The following LOC128125817 variants were observed in gnomAD, a reference collection of about 807,000 sequenced individuals.
At chr1:41,613,508 A>C in the LOC128125817 span, among the ~76,000 whole-genome samples, 1 of 152,238 alleles carries the variant, frequency 6.6e-6, no homozygotes, top group Non-Finnish European at 1.5e-5. Context: ...TGAATAAATA[A>C]ATAAATGAAT....
chr1:41,624,583 G>A, the LOC128125817 span, among the ~76,000 whole-genome samples: 365 of 152,208 alleles, frequency 2.4e-3, 1 homozygote, highest in African/African-American at 8.2e-3. Context: ...CTCTATATGC[G>A]TACACAAAAC....
the LOC128125817 span, among the ~76,000 whole-genome samples, chr1:41,607,686 G>A: frequency 6.6e-6 from 1 of 151,746 alleles, no homozygotes; most frequent in Non-Finnish European, 1.5e-5. Flanking sequence ...ATATATTTAT[G>A]AATGAGGGAT....
the LOC128125817 span, among the ~76,000 whole-genome samples, chr1:41,621,407 C>T: frequency 6.6e-6 from 1 of 152,250 alleles, no homozygotes; most frequent in African/African-American, 2.4e-5. Context: ...CCCTGCTTTC[C>T]AGCATTGGCC....
the LOC128125817 span, among the ~76,000 whole-genome samples, chr1:41,619,705 G>C: frequency 6.6e-6 from 1 of 152,182 alleles, no homozygotes; most frequent in African/African-American, 2.4e-5. Flanking sequence ...TCAGCAGAGG[G>C]AGAGCCAGGG....
chr1:41,615,511 C>G, the LOC128125817 span, among the ~76,000 whole-genome samples: 1 of 152,222 alleles, frequency 6.6e-6, no homozygotes, highest in East Asian at 1.9e-4. Flanking sequence ...GGGATTCGCG[C>G]AAGACCACAA....
chr1:41,619,811 C>A, the LOC128125817 span, among the ~76,000 whole-genome samples: 1 of 152,188 alleles, frequency 6.6e-6, no homozygotes, highest in Non-Finnish European at 1.5e-5. Context: ...CCCCCAACCC[C>A]AACCAGCCCC....
At chr1:41,586,930 G>T in the LOC128125817 span, among the ~76,000 whole-genome samples, 1 of 151,962 alleles carries the variant, frequency 6.6e-6, no homozygotes, top group Non-Finnish European at 1.5e-5. Flanking sequence ...CAAAGAAAAT[G>T]GAAATAAGGC....
chr1:41,590,743 A>G, the LOC128125817 span, among the ~76,000 whole-genome samples: 1 of 152,336 alleles, frequency 6.6e-6, no homozygotes, highest in South Asian at 2.1e-4. Context: ...AAGTGGGGAC[A>G]CAGGGAGAGG....
chr1:41,609,686 C>T, the LOC128125817 span, among the ~76,000 whole-genome samples: 1 of 152,254 alleles, frequency 6.6e-6, no homozygotes, highest in South Asian at 2.1e-4. Context: ...CTCTCTCATT[C>T]CCTCCATCTG....
the LOC128125817 span, among the ~76,000 whole-genome samples, chr1:41,613,340 C>G: frequency 6.6e-6 from 1 of 152,192 alleles, no homozygotes; most frequent in South Asian, 2.1e-4. Flanking sequence ...ACGCGTGGGG[C>G]GGGTCTCGTG....
the LOC128125817 span, among the ~76,000 whole-genome samples, chr1:41,608,917 C>CAAAAAAAAAAA: frequency 8.1e-6 from 1 of 123,546 alleles, no homozygotes. Context: ...CTAAAAATAC[C>CAAAAAAAAAAA]AAAAAAAAAA....
chr1:41,587,816 C>G, the LOC128125817 span, among the ~76,000 whole-genome samples: 2 of 152,162 alleles, frequency 1.3e-5, no homozygotes, highest in African/African-American at 4.8e-5. Context: ...CTGTCTCCCA[C>G]CTCAATTAAT....
At chr1:41,601,503 G>A in the LOC128125817 span, among the ~76,000 whole-genome samples, 1 of 151,856 alleles carries the variant, frequency 6.6e-6, no homozygotes, top group Non-Finnish European at 1.5e-5. Flanking sequence ...ATTGTTTTAG[G>A]TGTTATTATA....
At chr1:41,596,203 T>A in the LOC128125817 span, among the ~76,000 whole-genome samples, 1 of 152,154 alleles carries the variant, frequency 6.6e-6, no homozygotes, top group South Asian at 2.1e-4. Flanking sequence ...GCAGATCTTC[T>A]AACAGAGCTG....
chr1:41,624,278 T>C, the LOC128125817 span, among the ~76,000 whole-genome samples: 3 of 152,180 alleles, frequency 2.0e-5, no homozygotes, highest in African/African-American at 7.2e-5. Flanking sequence ...CAAATTGTGT[T>C]CCATGAAAGT....
chr1:41,605,747 A>G, the LOC128125817 span, among the ~76,000 whole-genome samples: 7 of 152,076 alleles, frequency 4.6e-5, no homozygotes, highest in South Asian at 1.5e-3. Context: ...AAAGACAGAA[A>G]GATGCTGGGG....
chr1:41,599,957 C>T, the LOC128125817 span, among the ~76,000 whole-genome samples: 11 of 152,076 alleles, frequency 7.2e-5, no homozygotes, highest in Non-Finnish European at 1.2e-4. Flanking sequence ...CCAAGAAGCA[C>T]GTGAAAAGAT....
At chr1:41,590,677 G>A in the LOC128125817 span, among the ~76,000 whole-genome samples, 2 of 152,240 alleles carry the variant, frequency 1.3e-5, no homozygotes, top group Non-Finnish European at 2.9e-5. Context: ...GGGGATTGGA[G>A]TGTGATGTTG....
At chr1:41,597,210 C>A in the LOC128125817 span, among the ~76,000 whole-genome samples, 9 of 152,236 alleles carry the variant, frequency 5.9e-5, no homozygotes, top group East Asian at 1.7e-3. Context: ...TATTTGTCTT[C>A]CTGTTAGAGA....
Sources: allele counts gnomAD v4.1 joint callset (sites outside exome capture counted in the v4.1 genomes callset), GRCh38; gene constraint gnomAD v4.1.1; transcripts MANE v1.5.